Variants in LRIG1 observed in about 807,000 individuals in gnomAD.
The protein encoded by LRIG1 is leucine rich repeats and immunoglobulin like domains 1, also known as leucine-rich repeats and immunoglobulin-like domains protein 1.
A neutral mutation model predicts 99.2 loss-of-function variants in LRIG1; 48 were observed. That is an observed-to-expected ratio of 0.48 (90% CI 0.38 to 0.62). LRIG1 has a LOEUF of 0.62. LRIG1 is among the 20% of genes least tolerant of loss of function. LRIG1 has a pLI of 0.00. For synonymous variants in LRIG1, 772 were observed against 596.1 expected (o/e 1.29, Z -4.30); for missense variants, 1,646 against 1,434.4 (o/e 1.15, Z -2.38).
intron 2 of LRIG1, among the ~76,000 whole-genome samples, chr3:66,458,189 C>T (rs1231419584): frequency 6.6e-6 from 1 of 152,094 alleles, no homozygotes; most frequent in African/African-American, 2.4e-5. Context: ...AAACATGGCA[C>T]GCTGAAGCCT....
At chr3:66,446,864 AT>A (rs1703747057) in intron 3 of LRIG1, among the ~76,000 whole-genome samples, 1 of 145,622 alleles carries the variant, frequency 6.9e-6, no homozygotes, top group Admixed American at 6.9e-5. Context: ...AAAAAAAAAA[AT>A]TAGTTTTCAA....
intron 3 of LRIG1, among the ~76,000 whole-genome samples, chr3:66,421,179 A>G (rs996588561): frequency 2.0e-4 from 30 of 152,234 alleles, no homozygotes; most frequent in African/African-American, 2.4e-5. Context: ...CAGCCAAACC[A>G]TATCATTCTG....
chr3:66,424,353 TC>T (rs987318511), intron 3 of LRIG1, among the ~76,000 whole-genome samples: 14 of 151,426 alleles, frequency 9.2e-5, no homozygotes, highest in Non-Finnish European at 1.6e-4. Flanking sequence ...TCTCTAGGTC[TC>T]CCCCCCATGA....
chr3:66,492,942 G>A (rs1032754997), intron 1 of LRIG1, among the ~76,000 whole-genome samples: 5 of 152,146 alleles, frequency 3.3e-5, no homozygotes, highest in Non-Finnish European at 2.9e-5. Context: ...TTTTCAGGTG[G>A]CATCCTTGCC....
chr3:66,441,302 G>C (rs904982364), intron 3 of LRIG1, among the ~76,000 whole-genome samples: 10 of 152,206 alleles, frequency 6.6e-5, no homozygotes, highest in African/African-American at 2.4e-4. Context: ...AAACTGCAGA[G>C]GAATTTGCCT....
At chr3:66,458,631 G>A (rs564608448) in intron 2 of LRIG1, among the ~76,000 whole-genome samples, 3 of 152,284 alleles carry the variant, frequency 2.0e-5, no homozygotes, top group South Asian at 2.1e-4. Flanking sequence ...GAACCCAGGA[G>A]GTGGAGGCTG....
At chr3:66,431,608 G>A (rs776389934) in intron 3 of LRIG1, among the ~76,000 whole-genome samples, 7 of 152,190 alleles carry the variant, frequency 4.6e-5, no homozygotes, top group African/African-American at 1.4e-4. Flanking sequence ...CAGCAACTGG[G>A]GGAGGGGGTC....
chr3:66,383,603 G>C (rs1701216462), intron 14 of LRIG1, among the ~76,000 whole-genome samples: 1 of 152,142 alleles, frequency 6.6e-6, no homozygotes, highest in Non-Finnish European at 1.5e-5. Context: ...CAGGGACAGT[G>C]AACCTCTGCT....
At chr3:66,391,975 A>T (rs996954383) in intron 12 of LRIG1, among the ~76,000 whole-genome samples, 1 of 152,114 alleles carries the variant, frequency 6.6e-6, no homozygotes, top group Non-Finnish European at 1.5e-5. Flanking sequence ...ATCCCTCCCC[A>T]TCCTTAAACT....
intron 11 of LRIG1, among the ~76,000 whole-genome samples, chr3:66,396,703 C>T (rs1701864619): frequency 6.6e-6 from 1 of 152,210 alleles, no homozygotes; most frequent in African/African-American, 2.4e-5. Context: ...CTCCTCCCTC[C>T]TTCTCTCAAA....
intron 1 of LRIG1, among the ~76,000 whole-genome samples, chr3:66,475,866 C>G (rs1425857215): frequency 6.6e-6 from 1 of 152,186 alleles, no homozygotes; most frequent in Admixed American, 6.5e-5. Context: ...TATCTAAGGC[C>G]TGGGTATTCA....
At chr3:66,482,019 G>A (rs1700862928) in intron 1 of LRIG1, among the ~76,000 whole-genome samples, 1 of 152,204 alleles carries the variant, frequency 6.6e-6, no homozygotes, top group Non-Finnish European at 1.5e-5. Context: ...TTCCTGAAAG[G>A]TTCTCAGCCA....
rs148666884 is a variant in LRIG1 at position 66,450,418 on chromosome 3, A to G, written c.365+1141T>C. On this transcript the variant is annotated intron_variant, in intron 3 of 18. Transcript: ENST00000273261. Reference sequence around the variant, plus strand: ...AAAATGGGTCAAAAATGCATTATGTAAATGAGGGAAACGAGGTTCAGAGAG... The same window carrying G: ...AAAATGGGTCAAAAATGCATTATGTGAATGAGGGAAACGAGGTTCAGAGAG... 1.7e-3 allele frequency among the ~76,000 whole-genome samples: 263 copies of G among 152,326 alleles called. 2 individuals carry two copies. Among genetic ancestry groups the G allele is most frequent in the South Asian group, 6.6e-3 (32 of 4,822 alleles).
intron 16 of LRIG1, 56 bp downstream of exon 16, chr3:66,382,217 A>G: frequency 1.2e-6 from 2 of 1,605,498 alleles, no homozygotes; most frequent in Non-Finnish European, 1.7e-6. Flanking sequence ...GGCCACCTCC[A>G]GCACCCAGAG....
Position 66,380,846 on chromosome 3 carries a change from A to T in LRIG1, c.2786T>A (p.Val929Asp). ...TTCGGTGTTGCAGTCACTGCATACG[A>T]CCCGGCCACCGTGTTCTGAAGGACA... is the stretch of plus-strand genomic sequence containing the variant. ...GPHKMEHGGRVVCSDCNTEVD... is the reference protein window; with the variant it reads ...GPHKMEHGGRDVCSDCNTEVD... The change falls in exon 18 of 19, where the codon GTC becomes GAC. Residue 929 changes from valine to aspartate, a missense_variant. Transcript: ENST00000273261. The T allele has an allele frequency of 4.3e-6, 7 of 1,613,866 alleles. No individual in the cohort carries two copies. The highest frequency in any genetic ancestry group is 5.9e-6 in the Non-Finnish European group (7 of 1,179,840).
At position 66,382,893 on chromosome 3, in the gene LRIG1, T is replaced by C. The variant is rs1701164315; in HGVS notation, c.2491+89A>G. 3 of 1,275,642 alleles carry C rather than the reference T, an allele frequency of 2.4e-6. No individual in the cohort carries two copies. The South Asian group carries it at 4.4e-5, about 19-fold the overall frequency. 79.0% of individuals were successfully genotyped at this position (1,275,642 alleles called of 1,614,324 possible). A position where few individuals can be genotyped will look rare whatever the true frequency, so the allele number is the denominator to read the frequency against. ...AGGAGTTCTGAACACAGTGCAATTCTTTCAAAAGCCACTGGAACCCGGCCC... is the reference window on the plus strand; with the variant it reads ...AGGAGTTCTGAACACAGTGCAATTCCTTCAAAAGCCACTGGAACCCGGCCC... On this transcript the variant is annotated intron_variant, in intron 15 of 18. Coordinates refer to ENST00000273261, the MANE Select transcript of LRIG1 (RefSeq NM_015541.3).
chr3:66,415,066 G>A lies in LRIG1; in HGVS notation c.504-3C>T. 6.3e-7 allele frequency: 1 copy of A among 1,590,512 alleles called. No homozygotes were observed. The highest frequency in any genetic ancestry group is 8.5e-7 in the Non-Finnish European group (1 of 1,170,246). On this transcript the variant is annotated splice_region_variant and splice_polypyrimidine_tract_variant and intron_variant, in intron 4 of 18. Transcript: ENST00000273261. ...CAATCCGATTGCCTGCCAGGTTGCTGGAATGATTCAGAAAAGAAAATGTGG... is the reference window on the plus strand; with the variant it reads ...CAATCCGATTGCCTGCCAGGTTGCTAGAATGATTCAGAAAAGAAAATGTGG...
chr3:66,449,268 G>C (rs906086795), intron 3 of LRIG1, among the ~76,000 whole-genome samples: 2 of 152,192 alleles, frequency 1.3e-5, no homozygotes, highest in Non-Finnish European at 2.9e-5. Context: ...TCCAATCTAA[G>C]AATGGGGAAC....
chr3:66,490,485 T>C (rs534058746), intron 1 of LRIG1, among the ~76,000 whole-genome samples: 11 of 152,332 alleles, frequency 7.2e-5, no homozygotes, highest in African/African-American at 2.2e-4. Context: ...AAAATTCTTC[T>C]TAATTAAAAA....
Sources: gnomAD v4.1 joint callset for allele counts (sites outside exome capture counted in the v4.1 genomes callset) on GRCh38, gnomAD v4.1.1 for gene constraint, MANE v1.5 for transcripts, NCBI Gene and HGNC (gene_info 2026-07-23, HGNC 2026-07-21) for gene names.